The following GFM2 variants were observed in gnomAD, a reference collection of about 807,000 sequenced individuals.
GFM2 encodes GTP dependent ribosome recycling factor mitochondrial 2.
A neutral mutation model predicts 95.4 loss-of-function variants in GFM2; 72 were observed. That is an observed-to-expected ratio of 0.76 (90% CI 0.62 to 0.92). The LOEUF (loss-of-function observed/expected upper bound fraction) is 0.92. Ranked by LOEUF, GFM2 falls within the 40% of genes least tolerant of loss-of-function variation. GFM2 has a pLI of 0.00. For synonymous variants in GFM2, 276 were observed against 317.5 expected (o/e 0.87, Z 1.39); for missense variants, 825 against 924.1 (o/e 0.89, Z 1.39).
Position 74,758,911 on chromosome 5 carries a change from G to A in GFM2, c.242C>T (p.Ala81Val). ...RNIGIMAHID[A>V]GKTTTTERIL... ...TCTTTCTGTGGTGGTAGTTTTGCCT[G>A]CATCAATATGAGCCATAATTCCAAT... The change falls in exon 5 of 21, where the codon GCA becomes GTA. Residue 81 changes from alanine to valine, a missense_variant. Transcript: ENST00000296805. 6.2e-7 allele frequency: 1 copy of A among 1,607,670 alleles called. No homozygotes were observed. The highest frequency in any genetic ancestry group is 8.5e-7 in the Non-Finnish European group (1 of 1,174,288).
rs369924027 is a variant in GFM2, at chr5:74,746,099, A to G, written c.669+6T>C. The G allele has an allele frequency of 2.6e-6, 4 of 1,538,808 alleles. No individual in the cohort carries two copies. The highest frequency in any genetic ancestry group is 2.3e-5 in the East Asian group (1 of 44,086). On this transcript the variant is annotated splice_donor_region_variant and intron_variant, in intron 9 of 20. Coordinates refer to ENST00000296805, the MANE Select transcript of GFM2 (RefSeq NM_032380.5). ...GAGAAGAAGCTGATGCTATTAACCA[A>G]TTTACCTGTAAAAGCAAAGGCTTTG...
intron 19 of GFM2, 86 bp from the exon 20 acceptor site, chr5:74,722,647 A>T (rs1222298587): frequency 9.2e-7 from 1 of 1,083,006 alleles, no homozygotes; most frequent in Non-Finnish European, 1.3e-6. Context: ...AAAAGACATA[A>T]GCTTGCTTTA....
At position 74,767,059 on chromosome 5, in the gene GFM2, T is replaced by C. The variant is rs1363120473; in HGVS notation, c.-146A>G. ...CGACGCCAGCCTAGGCAAAAGGCAA[T>C]GTATCTAAACGAAAAGAAAATAGGC... On this transcript the variant is annotated 5_prime_UTR_variant, in exon 1 of 21. Transcript: ENST00000296805. 4 of 380,052 alleles carry C rather than the reference T, an allele frequency of 1.1e-5. No homozygotes were observed. The highest frequency in any genetic ancestry group is 9.0e-5 in the East Asian group (2 of 22,168). The allele number at this position is 380,052 out of a possible 1,614,324, so 23.5% of individuals were successfully genotyped here.
chr5:74,726,462 T>C (rs1047067743), intron 17 of GFM2, among the ~76,000 whole-genome samples: 1 of 152,226 alleles, frequency 6.6e-6, no homozygotes, highest in Non-Finnish European at 1.5e-5. Context: ...CAAACTTTTA[T>C]ATTAAAAAAA....
At position 74,722,463 on chromosome 5, in the gene GFM2, T is replaced by C; in HGVS notation, c.2127A>G (p.Ala709=). ...DYLSPVLADL[A]QRRGNIQEIQ... Reference sequence around the variant, plus strand: ...TTTCCTGAATGTTTCCTCTTCTTTGTGCCAGATCTGCCAGGACAGGGCTGA... The same window carrying C: ...TTTCCTGAATGTTTCCTCTTCTTTGCGCCAGATCTGCCAGGACAGGGCTGA... The change falls in exon 20 of 21, where the codon GCA becomes GCG. Residue 709 remains alanine (A), a synonymous_variant. Coordinates refer to ENST00000296805, the MANE Select transcript of GFM2 (RefSeq NM_032380.5). 2 of 1,614,046 alleles carry C rather than the reference T, an allele frequency of 1.2e-6. No individual in the cohort carries two copies. Among genetic ancestry groups the C allele is most frequent in the Non-Finnish European group, 1.7e-6 (2 of 1,179,914 alleles).
intron 10 of GFM2, among the ~76,000 whole-genome samples, chr5:74,742,847 T>C (rs1360955440): frequency 6.6e-6 from 1 of 152,026 alleles, no homozygotes; most frequent in African/African-American, 2.4e-5. Flanking sequence ...TTTTGTATTT[T>C]TAGTAGAGAC....
At chr5:74,748,912 A>T (rs1323898786) in intron 7 of GFM2, among the ~76,000 whole-genome samples, 4 of 111,982 alleles carry the variant, frequency 3.6e-5, no homozygotes, top group Non-Finnish European at 7.8e-5. Flanking sequence ...AATAAAATAA[A>T]AAAATAAAAA....
At chr5:74,756,163 T>C (rs189943945) in intron 5 of GFM2, among the ~76,000 whole-genome samples, 21 of 152,318 alleles carry the variant, frequency 1.4e-4, no homozygotes, top group Non-Finnish European at 8.8e-5. Flanking sequence ...TCAGCATCCC[T>C]CTATGATTAA....
At chr5:74,735,286 C>T (rs1742776533) in intron 15 of GFM2, among the ~76,000 whole-genome samples, 1 of 152,184 alleles carries the variant, frequency 6.6e-6, no homozygotes, top group Non-Finnish European at 1.5e-5. Context: ...GTTTCAGTTT[C>T]CTTCAGTACT....
At chr5:74,744,550 T>C (rs1743285874) in intron 10 of GFM2, among the ~76,000 whole-genome samples, 1 of 152,124 alleles carries the variant, frequency 6.6e-6, no homozygotes, top group Non-Finnish European at 1.5e-5. Context: ...TAATATAAAA[T>C]TACAAATATT....
intron 14 of GFM2, among the ~76,000 whole-genome samples, chr5:74,737,329 T>C (rs1742887163): frequency 6.6e-6 from 1 of 152,200 alleles, no homozygotes; most frequent in Admixed American, 6.5e-5. Context: ...CTACCACCCA[T>C]AAGAATTTAT....
At chr5:74,757,126 A>G (rs1046276198) in intron 5 of GFM2, among the ~76,000 whole-genome samples, 2 of 152,234 alleles carry the variant, frequency 1.3e-5, no homozygotes, top group Non-Finnish European at 2.9e-5. Context: ...TTTTTAGAAT[A>G]TAAAGTCTAA....
At chr5:74,735,462 T>C (rs1008346527) in intron 15 of GFM2, among the ~76,000 whole-genome samples, 1 of 152,178 alleles carries the variant, frequency 6.6e-6, no homozygotes, top group Non-Finnish European at 1.5e-5. Context: ...TCCCATAATC[T>C]GTGAGTCCAA....
At chr5:74,733,620 A>G (rs777306256) in intron 15 of GFM2, among the ~76,000 whole-genome samples, 3 of 152,210 alleles carry the variant, frequency 2.0e-5, no homozygotes, top group Non-Finnish European at 2.9e-5. Context: ...CAGATGAGGA[A>G]GGAGATGTGT....
intron 7 of GFM2, among the ~76,000 whole-genome samples, 179 bp downstream of exon 7, chr5:74,750,400 A>G (rs1013203884): frequency 1.3e-5 from 2 of 152,222 alleles, no homozygotes; most frequent in Admixed American, 6.5e-5. Flanking sequence ...TCCTTTTACT[A>G]TGAAATATCT....
rs368410845 is a variant in GFM2 at position 74,738,714 on chromosome 5, C to T, written c.1080-72G>A. The T allele has an allele frequency of 1.4e-5, 20 of 1,403,460 alleles. No homozygotes were observed. In the South Asian group the frequency reaches 2.6e-4, roughly 18 times the overall value. The allele number at this position is 1,403,460 out of a possible 1,614,324, so 86.9% of individuals were successfully genotyped here. A position where few individuals can be genotyped will look rare whatever the true frequency, so the allele number is the denominator to read the frequency against. On this transcript the variant is annotated intron_variant, in intron 12 of 20. Transcript: ENST00000296805. Reference sequence around the variant, plus strand: ...AACTGCAGAAACTTAACCTTAATGTCCCCAAAGATCTATTTTATCTTCTAG... The same window carrying T: ...AACTGCAGAAACTTAACCTTAATGTTCCCAAAGATCTATTTTATCTTCTAG...
intron 5 of GFM2, 87 bp downstream of exon 5, chr5:74,758,762 G>T: frequency 1.3e-6 from 1 of 770,192 alleles, no homozygotes; most frequent in Non-Finnish European, 2.3e-6. Context: ...CCATATTCAA[G>T]GTGTGTAAGT....
intron 4 of GFM2, among the ~76,000 whole-genome samples, 173 bp from the exon 5 acceptor site, chr5:74,759,119 CA>C (rs1744145548): frequency 3.3e-5 from 5 of 152,216 alleles, no homozygotes; most frequent in Admixed American, 3.3e-4. Flanking sequence ...AGCTAAGTAA[CA>C]AAAGGGCTAA....
chr5:74,722,539 T>G lies in GFM2; in HGVS notation c.2051A>C (p.Gln684Pro), dbSNP rs1749952514. 1.9e-6 allele frequency: 3 copies of G among 1,612,794 alleles called. No individual in the cohort carries two copies. Among genetic ancestry groups the G allele is most frequent in the Non-Finnish European group, 2.5e-6 (3 of 1,179,644 alleles). Residue 684 changes from glutamine to proline, a missense_variant, in exon 20 of 21, where the codon CAA becomes CCA. Coordinates refer to ENST00000296805, the MANE Select transcript of GFM2 (RefSeq NM_032380.5). ...AAGATTCATCAGAGGCTCCAAAACT[T>G]GCTTATCAGCTTTCTTCAGAGCCTA... Reference protein sequence around the residue: ...VQKALKKADKQVLEPLMNLEV... With the variant: ...VQKALKKADKPVLEPLMNLEV...
Sources: allele counts gnomAD v4.1 joint callset (sites outside exome capture counted in the v4.1 genomes callset), GRCh38; gene constraint gnomAD v4.1.1; transcripts MANE v1.5; gene names NCBI Gene and HGNC (gene_info 2026-07-23, HGNC 2026-07-21).